Variants in CHST8 observed in about 807,000 individuals in gnomAD.
CHST8 encodes the protein GALNAC-4-ST1.
CHST8 carries 10 observed loss-of-function variants against 15.0 expected under a neutral mutation model. The observed-to-expected ratio is 0.67, with a 90% CI of 0.41 to 1.13. The LOEUF is 1.13. Among genes scored for constraint, CHST8 ranks in the 50% most tolerant of loss-of-function variants. The pLI is 0.00. For missense variants in CHST8, 634 were observed against 608.2 expected (o/e 1.04, Z -0.45); for synonymous variants, 259 against 256.6 (o/e 1.01, Z -0.09).
chr19:33,668,730 T>G (rs1429561563), intron 2 of CHST8, among the ~76,000 whole-genome samples: 1 of 152,172 alleles, frequency 6.6e-6, no homozygotes, highest in Non-Finnish European at 1.5e-5. Context: ...TAAAGGCTTT[T>G]CATCTTTTCC....
chr19:33,716,594 C>A (rs1973669660), intron 3 of CHST8, among the ~76,000 whole-genome samples: 1 of 152,174 alleles, frequency 6.6e-6, no homozygotes, highest in Admixed American at 6.5e-5. Context: ...TCTCGAACTC[C>A]TGGGCTGAAG....
chr19:33,630,343 GGCAGAGT>G (rs1972106343), intron 1 of CHST8, among the ~76,000 whole-genome samples: 1 of 152,260 alleles, frequency 6.6e-6, no homozygotes, highest in South Asian at 2.1e-4. Flanking sequence ...CTTGTGGGCA[GGCAGAGT>G]GCATTAAACT....
chr19:33,722,813 T>G (rs17531765), intron 3 of CHST8, among the ~76,000 whole-genome samples: 11,487 of 152,310 alleles, frequency 0.075, 611 homozygotes, highest in Middle Eastern at 0.13. Context: ...CCTGCTTTGA[T>G]GTTCTCCAGT....
At chr19:33,645,814 G>C (rs1972348443) in intron 1 of CHST8, among the ~76,000 whole-genome samples, 2 of 152,182 alleles carry the variant, frequency 1.3e-5, no homozygotes, top group South Asian at 4.1e-4. Flanking sequence ...AGAAGAGCAG[G>C]AGTATTACAG....
intron 3 of CHST8, among the ~76,000 whole-genome samples, chr19:33,771,155 T>G (rs1428259359): frequency 1.3e-5 from 2 of 152,160 alleles, no homozygotes; most frequent in African/African-American, 4.8e-5. Context: ...GTAGATCACA[T>G]CAGGAGGCAG....
intron 3 of CHST8, among the ~76,000 whole-genome samples, chr19:33,724,947 C>A (rs1430750307): frequency 6.6e-6 from 1 of 152,238 alleles, no homozygotes; most frequent in Non-Finnish European, 1.5e-5. Context: ...CCTGGAGGAT[C>A]GACCCAGCAG....
intron 3 of CHST8, among the ~76,000 whole-genome samples, chr19:33,763,252 GGAGT>G (rs1212965515): frequency 6.6e-6 from 1 of 152,194 alleles, no homozygotes; most frequent in Non-Finnish European, 1.5e-5. Flanking sequence ...ACAGAGGGAG[GGAGT>G]AAGCCTTTGC....
chr19:33,630,169 C>T (rs1425946934), intron 1 of CHST8, among the ~76,000 whole-genome samples: 1 of 152,230 alleles, frequency 6.6e-6, no homozygotes, highest in East Asian at 1.9e-4. Flanking sequence ...CGCATCCAGG[C>T]ACCCAGCAAA....
chr19:33,754,520 T>G (rs556251612), intron 3 of CHST8, among the ~76,000 whole-genome samples: 2 of 152,318 alleles, frequency 1.3e-5, no homozygotes, highest in South Asian at 4.1e-4. Flanking sequence ...TGTTTTTGGT[T>G]TGATCCAAGG....
At position 33,689,228 on chromosome 19, in the gene CHST8, C is replaced by A; in HGVS notation, c.-34C>A. 2 of 1,514,902 alleles carry A rather than the reference C, an allele frequency of 1.3e-6. No homozygotes were observed. Among genetic ancestry groups the A allele is most frequent in the South Asian group, 1.3e-5 (1 of 75,218 alleles). 93.8% of individuals were successfully genotyped at this position (1,514,902 alleles called of 1,614,324 possible). A position where few individuals can be genotyped will look rare whatever the true frequency, so the allele number is the denominator to read the frequency against. ...GACGATGAGGGAAGAACGTGCCCCCCACACCCAAGAGGTGACCCCTGAGCC... is the reference window on the plus strand; with the variant it reads ...GACGATGAGGGAAGAACGTGCCCCCAACACCCAAGAGGTGACCCCTGAGCC... On this transcript the variant is annotated 5_prime_UTR_variant, in exon 3 of 5. Coordinates refer to ENST00000650847, the MANE Select transcript of CHST8 (RefSeq NM_001127895.2).
chr19:33,623,760 AAGGCAGAC>A (rs1434559033), intron 1 of CHST8, among the ~76,000 whole-genome samples: 1 of 152,166 alleles, frequency 6.6e-6, no homozygotes, highest in Admixed American at 6.5e-5. Context: ...TCCCAAAGGC[AAGGCAGAC>A]AGGCCACAGG....
chr19:33,756,056 C>T (rs1974539651), intron 3 of CHST8, among the ~76,000 whole-genome samples: 2 of 152,180 alleles, frequency 1.3e-5, no homozygotes, highest in African/African-American at 4.8e-5. Flanking sequence ...CAAATGGCAC[C>T]TCTCTTGGAG....
intron 3 of CHST8, among the ~76,000 whole-genome samples, chr19:33,728,822 G>A (rs1482639466): frequency 7.2e-5 from 11 of 152,150 alleles, no homozygotes. Context: ...GAGGAGCTGG[G>A]GTCATCTGGG....
At chr19:33,684,738 G>C (rs1008029582) in intron 2 of CHST8, 1 of 152,134 alleles carries the variant, frequency 6.6e-6, no homozygotes, top group African/African-American at 2.4e-5. Flanking sequence ...GATCGGCGAC[G>C]AGCAGATGAG....
chr19:33,706,324 GA>G (rs1973445843), intron 3 of CHST8, among the ~76,000 whole-genome samples: 1 of 152,204 alleles, frequency 6.6e-6, no homozygotes, highest in South Asian at 2.1e-4. Flanking sequence ...GTGTCCTGAT[GA>G]AGAGTCAGGT....
intron 2 of CHST8, among the ~76,000 whole-genome samples, chr19:33,680,198 T>C (rs965531950): frequency 6.6e-6 from 1 of 152,244 alleles, no homozygotes; most frequent in Non-Finnish European, 1.5e-5. Context: ...AAAAGGTTAT[T>C]GTGTGAAAGC....
At chr19:33,638,927 C>G (rs886361208) in intron 1 of CHST8, among the ~76,000 whole-genome samples, 1 of 151,926 alleles carries the variant, frequency 6.6e-6, no homozygotes, top group African/African-American at 2.4e-5. Flanking sequence ...GGGGGGCACC[C>G]AGAGAATGCA....
rs1371146212 is a variant in CHST8 at position 33,689,340 on chromosome 19, C to T, written c.79C>T (p.Leu27Phe). The change falls in exon 3 of 5, where the codon CTC becomes TTC. Residue 27 changes from leucine (L) to phenylalanine (F), a missense_variant. Coordinates refer to ENST00000650847, the MANE Select transcript of CHST8 (RefSeq NM_001127895.2). ...GCTGTTCGGAGCTGCAGGCCTCCTC[C>T]TCTTCATCAGCCTGCAGGACCCTAC... ...ILLFGAAGLL[L>F]FISLQDPTEL... 1.2e-6 allele frequency: 2 copies of T among 1,609,694 alleles called. No homozygotes were observed. The highest frequency in any genetic ancestry group is 1.1e-5 in the South Asian group (1 of 90,550).
At chr19:33,763,590 A>C (rs532534907) in intron 3 of CHST8, among the ~76,000 whole-genome samples, 4 of 152,308 alleles carry the variant, frequency 2.6e-5, no homozygotes, top group Non-Finnish European at 5.9e-5. Context: ...TGCCCTGGGG[A>C]CCCAGCAGAG....
Sources: gnomAD v4.1 joint callset for allele counts (sites outside exome capture counted in the v4.1 genomes callset) on GRCh38, gnomAD v4.1.1 for gene constraint, MANE v1.5 for transcripts, NCBI Gene and HGNC (gene_info 2026-07-23, HGNC 2026-07-21) for gene names.